The following LSS variants were observed in gnomAD, a reference collection of about 807,000 sequenced individuals.
LSS encodes 2,3-epoxysqualene-lanosterol cyclase.
A neutral mutation model predicts 110.3 loss-of-function variants in LSS; 90 were observed. The ratio of observed to expected loss-of-function variants is 0.82; its 90% confidence interval spans 0.69 to 0.97. The LOEUF (loss-of-function observed/expected upper bound fraction) is 0.97. LSS is among the 50% of genes least tolerant of loss of function. LSS has a pLI of 0.00. For synonymous variants in LSS, 433 were observed against 400.0 expected (o/e 1.08, Z -0.98); for missense variants, 927 against 990.0 (o/e 0.94, Z 0.85).
intron 16 of LSS, 44 bp downstream of exon 16, chr21:46,206,628 G>A: frequency 6.5e-7 from 1 of 1,537,756 alleles, no homozygotes; most frequent in Non-Finnish European, 8.9e-7. Flanking sequence ...CACAGTGCTA[G>A]CCAGCCCCGG....
intron 15 of LSS, 142 bp from the exon 16 acceptor site, chr21:46,206,910 G>A (rs1026243471): frequency 1.8e-5 from 12 of 676,652 alleles, no homozygotes; most frequent in East Asian, 1.4e-4. Context: ...TGATTTCCAC[G>A]TTAACCAAGC....
chr21:46,196,105 C>T, intron 18 of LSS, 97 bp downstream of exon 18: 4 of 1,249,554 alleles, frequency 3.2e-6, no homozygotes, highest in Non-Finnish European at 4.6e-6. Context: ...TCTGGTGTAG[C>T]AACAACATAC....
intron 11 of LSS, among the ~76,000 whole-genome samples, chr21:46,212,243 T>A (rs1283660454): frequency 6.6e-6 from 1 of 152,122 alleles, no homozygotes; most frequent in Non-Finnish European, 1.5e-5. Context: ...GCACCAAGGG[T>A]AGCCCTGGGG....
intron 5 of LSS, 98 bp from the exon 6 acceptor site, chr21:46,219,670 G>A (rs1212903745): frequency 2.7e-5 from 18 of 673,134 alleles, no homozygotes; most frequent in Non-Finnish European, 4.1e-5. Context: ...AGTCACGTGT[G>A]CCCCTCTCCA....
At chr21:46,227,794 AT>A in intron 2 of LSS, 104 bp from the exon 3 acceptor site, 1 of 1,333,976 alleles carries the variant, frequency 7.5e-7, no homozygotes, top group Non-Finnish European at 1.0e-6. Context: ...GTGAATGTAA[AT>A]TACTTTAAAA....
chr21:46,220,577 C>G (rs763992510), intron 5 of LSS: 1 of 154,720 alleles, frequency 6.5e-6, no homozygotes, highest in South Asian at 1.9e-4. Flanking sequence ...CAGCAGAGAG[C>G]AGGGCAGGTG....
At position 46,228,310 on chromosome 21, in the gene LSS, G is replaced by A. The variant is rs75083277; in HGVS notation, c.180+124C>T. The A allele has an allele frequency of 0.012, 13,375 of 1,128,220 alleles. 974 individuals are homozygous for A. The African/African-American group carries it at 0.17, about 15-fold the overall frequency. 69.9% of individuals were successfully genotyped at this position (1,128,220 alleles called of 1,614,324 possible). A position where few individuals can be genotyped will look rare whatever the true frequency, so the allele number is the denominator to read the frequency against. ...GCCCGCGAACGCAGTTCCCGTGGGCGCTCGCCTTGGGGATGGGCGTCGCTG... is the reference window on the plus strand; with the variant it reads ...GCCCGCGAACGCAGTTCCCGTGGGCACTCGCCTTGGGGATGGGCGTCGCTG... On this transcript the variant is annotated intron_variant, in intron 2 of 21. Transcript: ENST00000397728.
chr21:46,209,053 T>G lies in LSS; in HGVS notation c.1266+501A>C, dbSNP rs2080092286. On this transcript the variant is annotated intron_variant, in intron 13 of 21. Transcript: ENST00000397728. The surrounding 1 kb of genome is among the most constrained non-coding windows in gnomAD (Gnocchi z 4.4). ...GTATGGGATGACTGTGGCTGCAGAC[T>G]GGGGTGCAGGCACGTGTGAGAGACA... is the stretch of plus-strand genomic sequence containing the variant. Among the ~76,000 whole-genome samples, 1 of 152,056 alleles carries G rather than the reference T, an allele frequency of 6.6e-6. No homozygotes were observed. Among genetic ancestry groups the G allele is most frequent in the African/African-American group, 2.4e-5 (1 of 41,394 alleles).
At chr21:46,210,574 G>A (rs564479659) in intron 12 of LSS, 114 bp downstream of exon 12, 3 of 1,053,816 alleles carry the variant, frequency 2.8e-6, no homozygotes, top group Non-Finnish European at 4.3e-6. Flanking sequence ...CAGGTCACTG[G>A]AAGTATCGAG....
Position 46,228,612 on chromosome 21 carries a change from G to C in LSS, c.15-13C>G, listed in dbSNP as rs992178133. On this transcript the variant is annotated splice_polypyrimidine_tract_variant and intron_variant, in intron 1 of 21. Coordinates refer to ENST00000397728, the MANE Select transcript of LSS (RefSeq NM_002340.6). ...GCGCCGCAGACACCTGAGGACCACCGGCCATCAGCGACCCAGGCCCCGCCC... is the reference window on the plus strand; with the variant it reads ...GCGCCGCAGACACCTGAGGACCACCCGCCATCAGCGACCCAGGCCCCGCCC... 20 of 1,591,774 alleles carry C rather than the reference G, an allele frequency of 1.3e-5. No individual in the cohort carries two copies. The highest frequency in any genetic ancestry group is 9.4e-6 in the Non-Finnish European group (11 of 1,175,816).
chr21:46,216,298 G>T lies in LSS; in HGVS notation c.783+91C>A. 1.3e-6 allele frequency: 2 copies of T among 1,519,946 alleles called. No individual in the cohort carries two copies. Among genetic ancestry groups the T allele is most frequent in the South Asian group, 1.1e-5 (1 of 88,570 alleles). 94.2% of individuals were successfully genotyped at this position (1,519,946 alleles called of 1,614,324 possible). A position where few individuals can be genotyped will look rare whatever the true frequency, so the allele number is the denominator to read the frequency against. On this transcript the variant is annotated intron_variant, in intron 7 of 21. Transcript: ENST00000397728. The surrounding 1 kb of genome is among the most constrained non-coding windows in gnomAD (Gnocchi z 4.2). ...TCTCCGCTCCACAGGGCCACCAGGT[G>T]AGTGGACAGGTGTGGTTAGATTCCA...
chr21:46,191,366 G>C (rs2079812857), intron 21 of LSS, 131 bp from the exon 22 acceptor site: 1 of 978,270 alleles, frequency 1.0e-6, no homozygotes, highest in Non-Finnish European at 1.6e-6. Flanking sequence ...AATTAAGCAA[G>C]AGCATAGGAA....
intron 2 of LSS, 107 bp from the exon 3 acceptor site, chr21:46,227,797 A>T: frequency 7.6e-7 from 1 of 1,308,002 alleles, no homozygotes; most frequent in South Asian, 1.4e-5. Flanking sequence ...AATGTAAATT[A>T]CTTTAAAAGT....
At chr21:46,192,220 C>T in intron 20 of LSS, 1 of 566,206 alleles carries the variant, frequency 1.8e-6, no homozygotes, top group Non-Finnish European at 3.2e-6. Flanking sequence ...CCTGGTGTTC[C>T]CCCCTGAAGA....
At chr21:46,191,321 G>C (rs1472917264) in intron 21 of LSS, 86 bp from the exon 22 acceptor site, 1 of 1,532,816 alleles carries the variant, frequency 6.5e-7, no homozygotes, top group African/African-American at 1.4e-5. Flanking sequence ...CTGTTGGCTT[G>C]GCTGGCTTGT....
intron 17 of LSS, 179 bp from the exon 18 acceptor site, chr21:46,196,446 G>A (rs754142257): frequency 3.5e-5 from 21 of 598,678 alleles, no homozygotes; most frequent in Non-Finnish European, 5.7e-5. Flanking sequence ...GGACACCAGA[G>A]CGGGAAGCGG....
intron 18 of LSS, 120 bp from the exon 19 acceptor site, chr21:46,195,876 G>C (rs1436112523): frequency 2.6e-6 from 2 of 767,558 alleles, no homozygotes; most frequent in Non-Finnish European, 4.5e-6. Flanking sequence ...CAGTGCCTCA[G>C]GCATTAAGGC....
intron 5 of LSS, among the ~76,000 whole-genome samples, chr21:46,220,100 G>C (rs1336510174): frequency 6.6e-6 from 1 of 152,204 alleles, no homozygotes; most frequent in Non-Finnish European, 1.5e-5. Flanking sequence ...CCATGCCAGA[G>C]CCACTTCAGC....
chr21:46,222,575 A>G, intron 4 of LSS, 55 bp downstream of exon 4: 1 of 1,504,486 alleles, frequency 6.6e-7, no homozygotes, highest in Non-Finnish European at 9.2e-7. Flanking sequence ...CATCTCCTAC[A>G]TCATGAGAAC....
Sources: gnomAD v4.1 joint callset for allele counts (sites outside exome capture counted in the v4.1 genomes callset) on GRCh38, gnomAD v4.1.1 for gene constraint, Gnocchi (gnomAD v3.1) non-coding constraint, MANE v1.5 for transcripts, NCBI Gene and HGNC (gene_info 2026-07-23, HGNC 2026-07-21) for gene names.